The following F13B variants were observed in gnomAD, a reference collection of about 807,000 sequenced individuals.
F13B encodes the protein coagulation factor XIII B chain.
A neutral mutation model predicts 79.8 loss-of-function variants in F13B; 58 were observed. The observed-to-expected ratio is 0.73, with a 90% CI of 0.59 to 0.90. The LOEUF (loss-of-function observed/expected upper bound fraction) is 0.90. Ranked by LOEUF, F13B falls within the 40% of genes least tolerant of loss-of-function variation. F13B has a pLI of 0.00. For synonymous variants in F13B, 283 were observed against 260.3 expected, an observed-to-expected ratio of 1.09 and a Z score of -0.84; for missense variants, 773 against 777.0, an observed-to-expected ratio of 0.99 and a Z score of 0.06.
At chr1:197,043,289 T>C (rs1414292011) in intron 10 of F13B, among the ~76,000 whole-genome samples, 4 of 152,028 alleles carry the variant, frequency 2.6e-5, no homozygotes, top group Non-Finnish European at 5.9e-5. Context: ...AAAACAAACA[T>C]AGAGAAAGCT....
chr1:197,046,988 A>G (rs1296093265), intron 10 of F13B, among the ~76,000 whole-genome samples: 1 of 152,218 alleles, frequency 6.6e-6, no homozygotes, highest in East Asian at 1.9e-4. Context: ...TCACTTCCTT[A>G]TACCTTATAC....
intron 7 of F13B, 30 bp from the exon 8 acceptor site, chr1:197,055,927 A>G: frequency 6.4e-7 from 1 of 1,561,276 alleles, no homozygotes; most frequent in Non-Finnish European, 8.8e-7. Flanking sequence ...TAAAATTAAT[A>G]TGAGCTCATA....
intron 10 of F13B, among the ~76,000 whole-genome samples, chr1:197,042,649 T>A (rs13375546): frequency 0.036 from 4,658 of 128,284 alleles, 277 homozygotes; most frequent in African/African-American, 0.13. Flanking sequence ...TGAAACCCCA[T>A]CTCTACAAAA....
intron 10 of F13B, among the ~76,000 whole-genome samples, chr1:197,046,540 T>G (rs1655238363): frequency 6.6e-6 from 1 of 152,210 alleles, no homozygotes; most frequent in Non-Finnish European, 1.5e-5. Flanking sequence ...GAACATTCCA[T>G]GCTCATGGAT....
chr1:197,047,719 T>C (rs1272443186), intron 10 of F13B, among the ~76,000 whole-genome samples: 2 of 152,098 alleles, frequency 1.3e-5, no homozygotes, highest in African/African-American at 4.8e-5. Context: ...CTATTCACAA[T>C]AGCAAAACTT....
At position 197,050,862 on chromosome 1, in the gene F13B, T is replaced by C. The variant is rs778260445; in HGVS notation, c.1573A>G (p.Thr525Ala). 1 of 1,612,988 alleles carries C rather than the reference T, an allele frequency of 6.2e-7. No homozygotes were observed. The highest frequency in any genetic ancestry group is 8.5e-7 in the Non-Finnish European group (1 of 1,179,434). The change falls in exon 10 of 12, where the codon ACA (threonine) becomes GCA (alanine). Residue 525 changes from threonine to alanine, a missense_variant. Transcript: ENST00000367412. ...CCATGTTTAATAAGAGGAGGAGATG[T>C]GCACATTCCTTTAGATTCTGCAAAA... ...CTRKESKGMC[T>A]SPPLIKHGVI...
At chr1:197,045,100 A>G (rs1389734838) in intron 10 of F13B, among the ~76,000 whole-genome samples, 1 of 152,216 alleles carries the variant, frequency 6.6e-6, no homozygotes, top group African/African-American at 2.4e-5. Flanking sequence ...TGAAAGAACT[A>G]GAGAAGCAAG....
chr1:197,043,278 G>T (rs1655110578), intron 10 of F13B, among the ~76,000 whole-genome samples: 1 of 152,132 alleles, frequency 6.6e-6, no homozygotes. Flanking sequence ...ACAGAGGTCT[G>T]AAAACAAACA....
rs749483968 is a variant in F13B at position 197,052,712 on chromosome 1, A to G, written c.1477T>C (p.Ser493Pro). 35 of 1,612,232 alleles carry G rather than the reference A, an allele frequency of 2.2e-5. No homozygotes were observed. The South Asian group carries it at 3.2e-4, about 15-fold the overall frequency. ...DFVCKQGYDL[S>P]PLTPLSELSV... ...AATTCAGACAATGGGGTTAATGGAG[A>G]TAAGTCATATCCCTGTTTACATACA... Residue 493 changes from serine to proline, a missense_variant, in exon 9 of 12, where the codon TCT (serine) becomes CCT (proline). Ser to Pro is a moderately conservative substitution (Grantham distance 74, BLOSUM62 -1). Coordinates refer to ENST00000367412, the MANE Select transcript of F13B (RefSeq NM_001994.3).
intron 10 of F13B, among the ~76,000 whole-genome samples, chr1:197,048,042 G>A (rs943787723): frequency 5.3e-5 from 8 of 151,968 alleles, no homozygotes; most frequent in Non-Finnish European, 1.0e-4. Flanking sequence ...TGTAAATGAA[G>A]AGTTGATGGG....
chr1:197,062,749 C>T (rs1655907980), intron 2 of F13B, 108 bp downstream of exon 2: 2 of 995,302 alleles, frequency 2.0e-6, no homozygotes, highest in South Asian at 1.3e-5. Flanking sequence ...TGATTTTGTT[C>T]TTATCTACTA....
intron 10 of F13B, among the ~76,000 whole-genome samples, chr1:197,046,274 T>A (rs1571553284): frequency 6.6e-6 from 1 of 152,284 alleles, no homozygotes; most frequent in East Asian, 1.9e-4. Flanking sequence ...CCCCATCGTC[T>A]CAGCCCAAAA....
chr1:197,060,474 C>T lies in F13B; in HGVS notation c.697G>A (p.Glu233Lys). ...YFHPVKQTYE[E>K]GDVVQFFCHE... ...CAGAAAAACTGAACGACATCTCCTT[C>T]TTCATAGGTTTGCTTTACAGGATGA... Residue 233 changes from glutamate (E) to lysine (K), a missense_variant, in exon 5 of 12, where the codon GAA becomes AAA. Glu to Lys is a moderately conservative substitution (Grantham distance 56). Coordinates refer to ENST00000367412, the MANE Select transcript of F13B (RefSeq NM_001994.3). 6 of 1,608,524 alleles carry T rather than the reference C, an allele frequency of 3.7e-6. No homozygotes were observed. The highest frequency in any genetic ancestry group is 5.1e-6 in the Non-Finnish European group (6 of 1,176,576).
rs765777778 is a variant in F13B, at chr1:197,060,499, A to ATT, written c.671_672insAA (p.Phe224LeufsTer5). 4 of 1,603,110 alleles carry ATT rather than the reference A, an allele frequency of 2.5e-6. No individual in the cohort carries two copies. The highest frequency in any genetic ancestry group is 3.4e-6 in the Non-Finnish European group (4 of 1,174,418). On this transcript the variant is annotated frameshift_variant, in exon 5 of 12. Coordinates refer to ENST00000367412, the MANE Select transcript of F13B (RefSeq NM_001994.3). LOFTEE classifies it high-confidence loss of function. ...CTTCATAGGTTTGCTTTACAGGATGAAAATAACCATTTTCAATTAATCTTA... is the reference window on the plus strand; with the variant it reads ...CTTCATAGGTTTGCTTTACAGGATGATTAAATAACCATTTTCAATTAATCTTA...
In F13B at chr1:197,050,884, A is replaced by T. The variant is rs1369441213; in HGVS notation, c.1556-5T>A. On this transcript the variant is annotated splice_region_variant and splice_polypyrimidine_tract_variant and intron_variant, in intron 9 of 11. Transcript: ENST00000367412. The stretch of plus-strand genomic sequence containing the variant: ...ATGTGCACATTCCTTTAGATTCTGC[A>T]AAAATAAGTTTTAAAGTATACAATG... The T allele has an allele frequency of 6.2e-7, 1 of 1,611,746 alleles. No individual in the cohort carries two copies. Among genetic ancestry groups the T allele is most frequent in the Admixed American group, 1.7e-5 (1 of 59,846 alleles).
At chr1:197,059,548 C>G (rs1655772370) in intron 5 of F13B, among the ~76,000 whole-genome samples, 1 of 152,124 alleles carries the variant, frequency 6.6e-6, no homozygotes, top group South Asian at 2.1e-4. Flanking sequence ...TTTGCCTCAC[C>G]CTATCCTCCC....
intron 1 of F13B, among the ~76,000 whole-genome samples, chr1:197,066,345 G>T (rs1457155456): frequency 1.3e-5 from 2 of 152,094 alleles, no homozygotes; most frequent in Non-Finnish European, 2.9e-5. Context: ...TATTGCTGTA[G>T]CTTCCTTCTT....
intron 5 of F13B, among the ~76,000 whole-genome samples, chr1:197,058,533 C>T (rs1010267644): frequency 6.6e-6 from 1 of 152,140 alleles, no homozygotes; most frequent in African/African-American, 2.4e-5. Context: ...CACCTGTATT[C>T]CTTGGCTCAC....
chr1:197,049,038 A>G (rs777531994), intron 10 of F13B, among the ~76,000 whole-genome samples: 7 of 152,138 alleles, frequency 4.6e-5, no homozygotes, highest in Non-Finnish European at 1.0e-4. Context: ...GAATATATCA[A>G]AATGAATACT....
Sources: allele counts gnomAD v4.1 joint callset (sites outside exome capture counted in the v4.1 genomes callset), GRCh38; gene constraint gnomAD v4.1.1; transcripts MANE v1.5; gene names NCBI Gene and HGNC (gene_info 2026-07-23, HGNC 2026-07-21).